The following PARD3B variants were observed in gnomAD, a reference collection of about 807,000 sequenced individuals.
PARD3B encodes par-3 family cell polarity regulator beta.
Under a neutral mutation model 130.2 loss-of-function variants are expected in PARD3B, and 103 were observed. That is an observed-to-expected ratio of 0.79 (90% confidence interval 0.67 to 0.93). The LOEUF is 0.93. Ranked by LOEUF, PARD3B falls within the 40% of genes least tolerant of loss-of-function variation. The pLI is 0.00. For missense variants in PARD3B, 1,609 were observed against 1,499.2 expected (o/e 1.07, Z -1.21); for synonymous variants, 583 against 553.2 (o/e 1.05, Z -0.76).
chr2:204,751,507 G>T (rs1338738653), intron 2 of PARD3B, among the ~76,000 whole-genome samples: 1 of 152,166 alleles, frequency 6.6e-6, no homozygotes, highest in African/African-American at 2.4e-5. Flanking sequence ...GCATGAGGTG[G>T]TCTCCAAACT....
At chr2:205,518,200 TG>T (rs2050876278) in intron 21 of PARD3B, among the ~76,000 whole-genome samples, 1 of 152,074 alleles carries the variant, frequency 6.6e-6, no homozygotes, top group African/African-American at 2.4e-5. Context: ...CTACTATTAT[TG>T]TGTGGGAGTC....
At chr2:204,584,198 A>T (rs543728461) in intron 1 of PARD3B, among the ~76,000 whole-genome samples, 1 of 152,180 alleles carries the variant, frequency 6.6e-6, no homozygotes, top group Non-Finnish European at 1.5e-5. Context: ...GGAGACTCCA[A>T]TGTGATGGGG....
intron 1 of PARD3B, among the ~76,000 whole-genome samples, chr2:204,547,747 T>C (rs2030096742): frequency 6.6e-6 from 1 of 152,154 alleles, no homozygotes; most frequent in South Asian, 2.1e-4. Context: ...TTTAGAAGTT[T>C]AGTACAGGGG....
intron 20 of PARD3B, among the ~76,000 whole-genome samples, chr2:205,465,340 T>G (rs2048583792): frequency 6.6e-6 from 1 of 152,188 alleles, no homozygotes; most frequent in African/African-American, 2.4e-5. Context: ...ACGAGGATAT[T>G]GAGTTGTAGA....
chr2:205,606,924 A>C (rs2055020730), intron 22 of PARD3B, among the ~76,000 whole-genome samples: 2 of 152,142 alleles, frequency 1.3e-5, no homozygotes, highest in South Asian at 4.2e-4. Flanking sequence ...AGAGAAATGT[A>C]GGCTCCCAGA....
chr2:204,621,209 GC>G (rs1384016213), intron 1 of PARD3B, among the ~76,000 whole-genome samples: 2 of 152,156 alleles, frequency 1.3e-5, no homozygotes, highest in African/African-American at 4.8e-5. Context: ...AAAACTGAAA[GC>G]TGTAGGAAGG....
At chr2:205,368,391 G>A (rs138715328) in intron 18 of PARD3B, among the ~76,000 whole-genome samples, 28 of 152,226 alleles carry the variant, frequency 1.8e-4, no homozygotes, top group African/African-American at 6.7e-4. Flanking sequence ...CCAGCACTTT[G>A]GGAGGCCGAG....
intron 2 of PARD3B, among the ~76,000 whole-genome samples, chr2:204,721,360 T>A (rs2038989331): frequency 6.6e-6 from 1 of 151,980 alleles, no homozygotes; most frequent in African/African-American, 2.4e-5. Flanking sequence ...TGTAAGAGTC[T>A]AGGAGGTGAC....
At chr2:205,360,169 C>G (rs563589209) in intron 18 of PARD3B, among the ~76,000 whole-genome samples, 5 of 152,176 alleles carry the variant, frequency 3.3e-5, no homozygotes, top group Admixed American at 3.3e-4. Flanking sequence ...GTTTGGACAT[C>G]GTTTTATATG....
intron 1 of PARD3B, among the ~76,000 whole-genome samples, chr2:204,636,578 C>G (rs757318952): frequency 1.3e-5 from 2 of 151,886 alleles, no homozygotes; most frequent in Non-Finnish European, 2.9e-5. Flanking sequence ...AAAGCAGCAG[C>G]CAGCATGTAC....
At position 205,346,040 on chromosome 2, in the gene PARD3B, G is replaced by A. The variant is rs1026922620; in HGVS notation, c.2630+44339G>A. ...CAAAAAATTAGCCGGGCGTGGTGGCGCACGCCTGTAGTCCCAGCTACTCGG... is the reference window on the plus strand; with the variant it reads ...CAAAAAATTAGCCGGGCGTGGTGGCACACGCCTGTAGTCCCAGCTACTCGG... On this transcript the variant is annotated intron_variant, in intron 18 of 22. Coordinates refer to ENST00000406610, the MANE Select transcript of PARD3B (RefSeq NM_001302769.2). 3.2e-4 allele frequency among the ~76,000 whole-genome samples: 41 copies of A among 130,132 alleles called. 1 individual carries two copies. The highest frequency in any genetic ancestry group is 9.1e-4 in the African/African-American group (36 of 39,578). 85.4% of individuals were successfully genotyped at this position (130,132 alleles called of 152,430 possible).
chr2:204,963,985 A>C (rs1428454239), intron 2 of PARD3B, among the ~76,000 whole-genome samples: 1 of 152,218 alleles, frequency 6.6e-6, no homozygotes, highest in Non-Finnish European at 1.5e-5. Context: ...ATCGAACTTG[A>C]AATTTATGAT....
chr2:205,054,426 A>ATATATATATATT (rs1472500231), intron 4 of PARD3B, among the ~76,000 whole-genome samples: 1 of 23,810 alleles, frequency 4.2e-5, no homozygotes, highest in African/African-American at 1.4e-4. Flanking sequence ...ATATATATAT[A>ATATATATATATT]TATATATATA....
intron 18 of PARD3B, among the ~76,000 whole-genome samples, chr2:205,371,523 G>C (rs1163880497): frequency 6.6e-6 from 1 of 152,170 alleles, no homozygotes. Context: ...GGCATCAGAG[G>C]CTGTAGAGTT....
intron 5 of PARD3B, among the ~76,000 whole-genome samples, chr2:205,108,329 C>G (rs1010153038): frequency 1.3e-5 from 2 of 152,122 alleles, no homozygotes; most frequent in Non-Finnish European, 1.5e-5. Flanking sequence ...AATTCTAGAA[C>G]CTGTAGTGAC....
intron 2 of PARD3B, among the ~76,000 whole-genome samples, chr2:204,809,990 T>G (rs1000540699): frequency 3.9e-5 from 6 of 152,154 alleles, no homozygotes; most frequent in Non-Finnish European, 5.9e-5. Context: ...ATTGTATTCT[T>G]TTGGTGGCAA....
intron 16 of PARD3B, among the ~76,000 whole-genome samples, chr2:205,248,497 A>G (rs2039673356): frequency 6.6e-6 from 1 of 151,340 alleles, no homozygotes; most frequent in Non-Finnish European, 1.5e-5. Flanking sequence ...TTTTAAATTC[A>G]TTTAAATTCA....
chr2:205,034,725 G>A (rs544787492), intron 3 of PARD3B, among the ~76,000 whole-genome samples: 4 of 151,814 alleles, frequency 2.6e-5, no homozygotes, highest in East Asian at 1.9e-4. Context: ...AAAAATAATC[G>A]CAATTTATAA....
intron 1 of PARD3B, among the ~76,000 whole-genome samples, chr2:204,644,570 T>C (rs2035207808): frequency 6.6e-6 from 1 of 152,124 alleles, no homozygotes; most frequent in Non-Finnish European, 1.5e-5. Flanking sequence ...AATTAGAATA[T>C]TTTCCCTAGT....
Sources: allele counts gnomAD v4.1 joint callset (sites outside exome capture counted in the v4.1 genomes callset), GRCh38; gene constraint gnomAD v4.1.1; transcripts MANE v1.5; gene names NCBI Gene and HGNC (gene_info 2026-07-23, HGNC 2026-07-21).